The following FAAH2 variants were observed in gnomAD, a reference collection of about 807,000 sequenced individuals.
The protein encoded by FAAH2 is fatty-acid amide hydrolase 2.
Under a neutral mutation model 36.9 loss-of-function variants are expected in FAAH2, and 60 were observed. The ratio of observed to expected loss-of-function variants is 1.63; its 90% CI spans 1.32 to 2.02. The LOEUF is 2.02. FAAH2 is among the 30% of genes most tolerant of loss of function. FAAH2 has a pLI of 0.00. For missense variants in FAAH2, 689 were observed against 397.5 expected (o/e 1.73, Z -6.23); for synonymous variants, 214 against 143.8 (o/e 1.49, Z -3.49).
the FAAH2 span, among the ~76,000 whole-genome samples, chrX:57,243,978 T>C: frequency 2.8e-5 from 3 of 107,906 alleles, no homozygotes; most frequent in Non-Finnish European, 5.7e-5. Context: ...TCTAACCCAA[T>C]GCAAAAAAGC....
chrX:57,395,548 A>G lies in FAAH2; in HGVS notation c.996+14519A>G, dbSNP rs767878862. The stretch of plus-strand genomic sequence containing the variant: ...TAGATGGCTTTTATTAATTTGAGGT[A>G]TGTATATTAAATGCCTAGTTGGTTG... On this transcript the variant is annotated intron_variant, in intron 7 of 10. Coordinates refer to ENST00000374900, the MANE Select transcript of FAAH2 (RefSeq NM_174912.4). 5.7e-5 allele frequency: 17 copies of G among 297,781 alleles called. No individual in the cohort carries two copies. The South Asian group carries it at 1.2e-3, about 22-fold the overall frequency. The allele number at this position is 297,781 out of a possible 1,213,427, so 24.5% of individuals were successfully genotyped here.
At chrX:57,156,222 A>T in the FAAH2 span, among the ~76,000 whole-genome samples, 50 of 112,023 alleles carry the variant, frequency 4.5e-4, no homozygotes, top group African/African-American at 1.4e-3. Flanking sequence ...TATCTGTTTG[A>T]TGTTTTAAAA....
the FAAH2 span, among the ~76,000 whole-genome samples, chrX:57,141,235 C>T: frequency 1.8e-5 from 2 of 111,742 alleles, no homozygotes; most frequent in African/African-American, 6.5e-5. Context: ...TGATATATCA[C>T]GTTTATTGAT....
chrX:57,353,318 A>G (rs1364801222), intron 5 of FAAH2, among the ~76,000 whole-genome samples: 1 of 109,430 alleles, frequency 9.1e-6, no homozygotes, highest in Non-Finnish European at 1.9e-5. Flanking sequence ...GTGATCTTTG[A>G]CAAAGGCAGC....
In FAAH2 at chrX:57,286,845, C is replaced by G; in HGVS notation, c.20C>G (p.Ala7Gly). The change falls in exon 1 of 11, where the codon GCC becomes GGC. Residue 7 changes from alanine (A) to glycine (G), a missense_variant. By Grantham distance (60) the Ala-to-Gly change is moderately conservative (BLOSUM62 0). Transcript: ENST00000374900. MAPSFT[A>G]RIQLFLLRAL... Reference sequence around the variant, plus strand: ...GCTGCGATGGCACCTTCATTTACCGCCCGCATTCAGTTGTTCCTCTTGCGG... The same window carrying G: ...GCTGCGATGGCACCTTCATTTACCGGCCGCATTCAGTTGTTCCTCTTGCGG... 1 of 1,183,129 alleles carries G rather than the reference C, an allele frequency of 8.5e-7. No individual in the cohort carries two copies. Among genetic ancestry groups the G allele is most frequent in the Non-Finnish European group, 1.1e-6 (1 of 880,028 alleles).
chrX:57,306,739 T>C (rs868538005), intron 2 of FAAH2, among the ~76,000 whole-genome samples: 3 of 94,363 alleles, frequency 3.2e-5, no homozygotes, highest in African/African-American at 3.8e-5. Context: ...TGTATATATA[T>C]ACACACACAC....
the FAAH2 span, among the ~76,000 whole-genome samples, chrX:57,240,355 G>A: frequency 9.0e-6 from 1 of 111,667 alleles, no homozygotes; most frequent in Admixed American, 9.5e-5. Flanking sequence ...TACCAGGCCT[G>A]TGATTTTGTT....
intron 10 of FAAH2, among the ~76,000 whole-genome samples, chrX:57,454,297 A>G (rs2147197160): frequency 8.9e-6 from 1 of 112,540 alleles, no homozygotes; most frequent in East Asian, 2.8e-4. Flanking sequence ...TTTGAAATAT[A>G]CCCAGAAACA....
chrX:57,133,987 G>C, the FAAH2 span, among the ~76,000 whole-genome samples: 1 of 111,340 alleles, frequency 9.0e-6, no homozygotes, highest in Non-Finnish European at 1.9e-5. Context: ...AACCTGGGCA[G>C]CAGGGCGTCA....
the FAAH2 span, among the ~76,000 whole-genome samples, chrX:57,167,603 C>A: frequency 9.0e-6 from 1 of 110,952 alleles, no homozygotes; most frequent in Non-Finnish European, 1.9e-5. Flanking sequence ...AAGGTGTTAG[C>A]CCAGTAAGAA....
intron 10 of FAAH2, among the ~76,000 whole-genome samples, chrX:57,475,771 A>G (rs1323145915): frequency 8.9e-6 from 1 of 112,016 alleles, no homozygotes; most frequent in African/African-American, 3.2e-5. Context: ...TGAATCTATG[A>G]ATTACTTTGG....
rs1245535851 is a variant in FAAH2, at chrX:57,349,988, A to G, written c.742+8598A>G. On this transcript the variant is annotated intron_variant, in intron 5 of 10. Transcript: ENST00000374900. ...CTGTCTAAAGTCAGTGTGAACAATG[A>G]TTTTTAAAAACAGCAAGAGAAAGTC... 4.5e-5 allele frequency among the ~76,000 whole-genome samples: 5 copies of G among 110,837 alleles called. No homozygotes were observed. In the Admixed American group the frequency reaches 4.8e-4, roughly 11 times the overall value.
the FAAH2 span, among the ~76,000 whole-genome samples, chrX:57,224,357 G>T: frequency 5.4e-5 from 6 of 111,722 alleles, no homozygotes; most frequent in Admixed American, 5.7e-4. Context: ...CTTTTTCCAA[G>T]ATGTCCACGT....
intron 7 of FAAH2, among the ~76,000 whole-genome samples, chrX:57,425,275 A>T (rs1024014134): frequency 4.5e-5 from 5 of 112,035 alleles, no homozygotes; most frequent in African/African-American, 1.6e-4. Context: ...AATAAAAAAC[A>T]CAACAAGATT....
chrX:57,468,382 C>G (rs2057091674), intron 10 of FAAH2, among the ~76,000 whole-genome samples: 1 of 111,312 alleles, frequency 9.0e-6, no homozygotes, highest in Admixed American at 9.6e-5. Flanking sequence ...CTAGAATAAC[C>G]AGTGTAGAGA....
At chrX:57,458,843 G>C (rs1467249609) in intron 10 of FAAH2, among the ~76,000 whole-genome samples, 2 of 112,363 alleles carry the variant, frequency 1.8e-5, no homozygotes, top group Middle Eastern at 4.2e-3. Flanking sequence ...ATTCCCTCTT[G>C]TGCCTACACC....
intron 7 of FAAH2, among the ~76,000 whole-genome samples, chrX:57,399,322 G>A (rs1169725331): frequency 8.9e-6 from 1 of 111,884 alleles, no homozygotes; most frequent in Non-Finnish European, 1.9e-5. Flanking sequence ...TTGGCCATCT[G>A]ATGGGTGCTA....
intron 5 of FAAH2, among the ~76,000 whole-genome samples, chrX:57,345,702 T>C (rs1375496423): frequency 9.0e-6 from 1 of 111,577 alleles, no homozygotes; most frequent in East Asian, 2.8e-4. Context: ...TTCTAGTTCC[T>C]TTGGGTGTGA....
the FAAH2 span, among the ~76,000 whole-genome samples, chrX:57,254,782 G>C: frequency 8.9e-6 from 1 of 112,014 alleles, no homozygotes; most frequent in African/African-American, 3.2e-5. Context: ...GCAGTGTGTA[G>C]AGGGAAATTT....
Sources: gnomAD v4.1 joint callset for allele counts (sites outside exome capture counted in the v4.1 genomes callset) on GRCh38, gnomAD v4.1.1 for gene constraint, MANE v1.5 for transcripts, NCBI Gene and HGNC (gene_info 2026-07-23, HGNC 2026-07-21) for gene names.